Variants in MSRA observed in about 807,000 individuals in gnomAD.
MSRA encodes methionine sulfoxide reductase A, also known as mitochondrial peptide methionine sulfoxide reductase.
In MSRA, 54 loss-of-function variants were observed where a neutral mutation model predicts 31.3. The ratio of observed to expected loss-of-function variants is 1.73; its 90% CI spans 1.39 to 2.17. The LOEUF is 2.17. MSRA is among the 30% of genes most tolerant of loss of function. The pLI, the probability that MSRA is intolerant of heterozygous loss-of-function variation, is 0.00. For synonymous variants in MSRA, 169 were observed against 116.5 expected, an observed-to-expected ratio of 1.45 and a Z score of -2.90; for missense variants, 507 against 300.9, an observed-to-expected ratio of 1.69 and a Z score of -5.07.
intron 1 of MSRA, among the ~76,000 whole-genome samples, chr8:10,140,239 G>A (rs1286263363): frequency 6.6e-6 from 1 of 152,130 alleles, no homozygotes; most frequent in Non-Finnish European, 1.5e-5. Context: ...AGATGTGGTT[G>A]TTCCTTCCTC....
intron 5 of MSRA, among the ~76,000 whole-genome samples, chr8:10,386,244 AG>A (rs1228355937): frequency 1.3e-5 from 2 of 152,240 alleles, no homozygotes; most frequent in African/African-American, 2.4e-5. Context: ...AAAATTGTGT[AG>A]CCAAGTGGAA....
At chr8:10,344,535 C>T (rs1803645734) in intron 5 of MSRA, among the ~76,000 whole-genome samples, 1 of 126,072 alleles carries the variant, frequency 7.9e-6, no homozygotes, top group African/African-American at 3.1e-5. Context: ...GATTGCGCCA[C>T]TGACACTCCA....
chr8:10,315,694 AT>A, intron 4 of MSRA, among the ~76,000 whole-genome samples: 1 of 152,218 alleles, frequency 6.6e-6, no homozygotes, highest in Non-Finnish European at 1.5e-5. Context: ...TAAATCTCAT[AT>A]AGTGGGGCAC....
At chr8:10,347,691 C>T (rs1338201066) in intron 5 of MSRA, among the ~76,000 whole-genome samples, 3 of 152,178 alleles carry the variant, frequency 2.0e-5, no homozygotes, top group East Asian at 1.9e-4. Context: ...TCTGTGGCCT[C>T]GCATGTCTCA....
At chr8:10,237,221 T>G (rs1397936371) in intron 2 of MSRA, among the ~76,000 whole-genome samples, 1 of 152,232 alleles carries the variant, frequency 6.6e-6, no homozygotes, top group Non-Finnish European at 1.5e-5. Flanking sequence ...ATTTGTATTA[T>G]AAAAACTTGG....
intron 3 of MSRA, among the ~76,000 whole-genome samples, chr8:10,247,903 C>T (rs944193270): frequency 2.0e-5 from 3 of 151,992 alleles, no homozygotes; most frequent in African/African-American, 7.3e-5. Context: ...GGAAGGAGAA[C>T]AAATAAGGTC....
intron 5 of MSRA, among the ~76,000 whole-genome samples, chr8:10,347,015 C>T (rs1803821022): frequency 6.6e-6 from 1 of 152,198 alleles, no homozygotes; most frequent in South Asian, 2.1e-4. Flanking sequence ...CTCACAGACC[C>T]TCTTTCCACA....
intron 1 of MSRA, among the ~76,000 whole-genome samples, chr8:10,103,209 T>C (rs573947268): frequency 6.6e-6 from 1 of 152,316 alleles, no homozygotes; most frequent in East Asian, 1.9e-4. Flanking sequence ...TTGCAACTTA[T>C]TTTTAGAAGA....
intron 2 of MSRA, among the ~76,000 whole-genome samples, chr8:10,237,914 G>A (rs1339075503): frequency 1.3e-5 from 2 of 152,062 alleles, no homozygotes; most frequent in Admixed American, 6.5e-5. Flanking sequence ...TCTGTGCTTG[G>A]TTCACTCTAG....
intron 2 of MSRA, among the ~76,000 whole-genome samples, chr8:10,210,080 G>T (rs1430782143): frequency 2.0e-5 from 3 of 152,132 alleles, no homozygotes; most frequent in Non-Finnish European, 4.4e-5. Flanking sequence ...GATTTGGGGG[G>T]TTTTGAGGGT....
intron 5 of MSRA, among the ~76,000 whole-genome samples, chr8:10,325,252 T>G (rs541077261): frequency 6.6e-6 from 1 of 152,314 alleles, no homozygotes; most frequent in South Asian, 2.1e-4. Flanking sequence ...ACAGTTCAAT[T>G]TTAGCAGAGT....
intron 1 of MSRA, among the ~76,000 whole-genome samples, chr8:10,181,804 C>T (rs1178922096): frequency 2.0e-5 from 3 of 152,166 alleles, no homozygotes; most frequent in Non-Finnish European, 4.4e-5. Context: ...GAGGTAGTCT[C>T]ACCAACAGTG....
At chr8:10,307,406 A>G (rs1432177137) in intron 4 of MSRA, among the ~76,000 whole-genome samples, 4 of 152,080 alleles carry the variant, frequency 2.6e-5, no homozygotes, top group African/African-American at 7.2e-5. Flanking sequence ...GGCTCAAGCA[A>G]TCCACCTGCC....
intron 1 of MSRA, among the ~76,000 whole-genome samples, chr8:10,204,952 C>G (rs980635789): frequency 2.0e-5 from 3 of 152,154 alleles, no homozygotes; most frequent in African/African-American, 7.2e-5. Flanking sequence ...GGCATAAGTG[C>G]AAAGTGCTAC....
chr8:10,169,916 T>TC (rs1805450508), intron 1 of MSRA, among the ~76,000 whole-genome samples: 1 of 128,554 alleles, frequency 7.8e-6, no homozygotes. Flanking sequence ...TTTCTTTCTT[T>TC]CTTTTTTTTT....
intron 3 of MSRA, among the ~76,000 whole-genome samples, chr8:10,254,551 A>G (rs367866778): frequency 1.3e-5 from 2 of 152,206 alleles, no homozygotes; most frequent in Non-Finnish European, 2.9e-5. Context: ...TCCACAACTC[A>G]TTCTACCTAC....
rs116090713 is a variant in MSRA at position 10,224,439 on chromosome 8, T to G, written c.211+16538T>G. Reference sequence around the variant, plus strand: ...CCAAACAAACAACAGTATTCTCCTTTTTCACAAAAGAGCTTGATTTTCCTA... The same window carrying G: ...CCAAACAAACAACAGTATTCTCCTTGTTCACAAAAGAGCTTGATTTTCCTA... On this transcript the variant is annotated intron_variant, in intron 2 of 5. Coordinates refer to ENST00000317173, the MANE Select transcript of MSRA (RefSeq NM_012331.5). Among the ~76,000 whole-genome samples, 282 of 152,262 alleles carry G rather than the reference T, an allele frequency of 1.9e-3. 2 individuals carry two copies. Among genetic ancestry groups the G allele is most frequent in the African/African-American group, 6.5e-3 (271 of 41,540 alleles).
chr8:10,303,303 C>G (rs886250745), intron 4 of MSRA, among the ~76,000 whole-genome samples: 1 of 152,170 alleles, frequency 6.6e-6, no homozygotes, highest in African/African-American at 2.4e-5. Context: ...CCATACCGCT[C>G]TTAAATGCTT....
chr8:10,067,718 A>G (rs752710970), intron 1 of MSRA, among the ~76,000 whole-genome samples: 1 of 152,126 alleles, frequency 6.6e-6, no homozygotes, highest in East Asian at 1.9e-4. Flanking sequence ...TATTCCACAG[A>G]CATTTAGTGG....
Sources: allele counts gnomAD v4.1 joint callset (sites outside exome capture counted in the v4.1 genomes callset), GRCh38; gene constraint gnomAD v4.1.1; transcripts MANE v1.5; gene names NCBI Gene and HGNC (gene_info 2026-07-23, HGNC 2026-07-21).